The following PTGIR variants were observed in gnomAD, a reference collection of about 807,000 sequenced individuals.
PTGIR encodes the protein prostacyclin receptor.
A neutral mutation model predicts 17.6 loss-of-function variants in PTGIR; 16 were observed. The ratio of observed to expected loss-of-function variants is 0.91; its 90% CI spans 0.61 to 1.38. The LOEUF is 1.38. PTGIR is among the 40% of genes most tolerant of loss of function. The pLI is 0.00. For synonymous variants in PTGIR, 274 were observed against 255.4 expected, an observed-to-expected ratio of 1.07 and a Z score of -0.69; for missense variants, 532 against 548.6, an observed-to-expected ratio of 0.97 and a Z score of 0.30.
downstream of PTGIR, among the ~76,000 whole-genome samples, chr19:46,617,166 A>AG (rs150627327): frequency 0.021 from 3,136 of 152,246 alleles, 89 homozygotes; most frequent in East Asian, 0.1. Context: ...CAAGGCCTGC[A>AG]GGGGGGTGGG....
rs1424940012 is a variant in PTGIR at position 46,624,315 on chromosome 19, G to A, written c.-12-78C>T. ...CCCAGCCCACTCAGATGTCCCTGCT[G>A]GCCAGTCCTTTTGGCAGCTGGGGCC... On this transcript the variant is annotated intron_variant, in intron 1 of 2. Transcript: ENST00000291294. 20 of 1,351,776 alleles carry A rather than the reference G, an allele frequency of 1.5e-5. 1 individual carries two copies. The highest frequency in any genetic ancestry group is 1.7e-5 in the Non-Finnish European group (18 of 1,045,052). 83.7% of individuals were successfully genotyped at this position (1,351,776 alleles called of 1,614,324 possible).
At chr19:46,622,760 G>A (rs2122339076) in intron 2 of PTGIR, 1 of 152,406 alleles carries the variant, frequency 6.6e-6, no homozygotes, top group East Asian at 1.9e-4. Context: ...CTGGGATGCA[G>A]TGGTATAATC....
chr19:46,611,790 C>T, the PTGIR span, among the ~76,000 whole-genome samples: 3 of 152,262 alleles, frequency 2.0e-5, no homozygotes, highest in Non-Finnish European at 4.4e-5. Flanking sequence ...AAGGGCTCTT[C>T]TCATTCTCCC....
chr19:46,616,146 T>C (rs10426422), downstream of PTGIR, among the ~76,000 whole-genome samples: 4,622 of 151,902 alleles, frequency 0.03, 227 homozygotes, highest in African/African-American at 0.1. Flanking sequence ...CCACGTGGAT[T>C]GTGAACGAGG....
chr19:46,623,303 C>G, intron 2 of PTGIR, 155 bp downstream of exon 2: 1 of 937,784 alleles, frequency 1.1e-6, no homozygotes, highest in Non-Finnish European at 1.5e-6. Flanking sequence ...GGTCCTGCCT[C>G]GGCCTTTCTA....
chr19:46,623,336 G>T, intron 2 of PTGIR, 122 bp downstream of exon 2: 1 of 1,220,516 alleles, frequency 8.2e-7, no homozygotes, highest in Non-Finnish European at 1.1e-6. Context: ...ACAGGCGTGA[G>T]CCACCATGCC....
At chr19:46,619,871 G>C (rs1329633953), downstream of PTGIR, among the ~76,000 whole-genome samples, 1 of 152,080 alleles carries the variant, frequency 6.6e-6, no homozygotes, top group African/African-American at 2.4e-5. Flanking sequence ...GGGCTGGGTG[G>C]GGGGAGTTCC....
At chr19:46,622,977 C>CTTTTTTTTT (rs1372914255) in intron 2 of PTGIR, 3 of 125,338 alleles carry the variant, frequency 2.4e-5, no homozygotes, top group Non-Finnish European at 5.2e-5. Flanking sequence ...TCTTTTTTTT[C>CTTTTTTTTT]TTATTTTTTT....
At position 46,620,642 on chromosome 19, in the gene PTGIR, A is replaced by G; in HGVS notation, c.*638T>C. The G allele has an allele frequency of 2.0e-6, 2 of 985,790 alleles. No individual in the cohort carries two copies. The highest frequency in any genetic ancestry group is 2.4e-6 in the Non-Finnish European group (2 of 829,992). The allele number at this position is 985,790 out of a possible 1,614,324, so 61.1% of individuals were successfully genotyped here. A position where few individuals can be genotyped will look rare whatever the true frequency, so the allele number is the denominator to read the frequency against. On this transcript the variant is annotated 3_prime_UTR_variant, in exon 3 of 3. Coordinates refer to ENST00000291294, the MANE Select transcript of PTGIR (RefSeq NM_000960.4). ...CCAGTTCTCATCTTGCAGCCAGTCA[A>G]GCTAGGTGGAATGTCTCAGGCCCTT...
intron 1 of PTGIR, 169 bp from the exon 2 acceptor site, chr19:46,624,406 G>T: frequency 2.0e-6 from 1 of 502,606 alleles, no homozygotes; most frequent in South Asian, 3.9e-5. Context: ...GGCTTCTCCA[G>T]TATCTCTCTC....
At chr19:46,620,061 T>C (rs1006012190), downstream of PTGIR, among the ~76,000 whole-genome samples, 8 of 152,182 alleles carry the variant, frequency 5.3e-5, no homozygotes, top group Non-Finnish European at 1.0e-4. Flanking sequence ...CTTGTCTGTG[T>C]CCTTAACACC....
At chr19:46,617,206 T>C (rs563425833), downstream of PTGIR, among the ~76,000 whole-genome samples, 225 of 152,194 alleles carry the variant, frequency 1.5e-3, 1 homozygote, top group Non-Finnish European at 2.7e-3. Context: ...AGCCTCCAGG[T>C]GGCGCCTGAG....
chr19:46,618,788 G>A (rs1031481429), downstream of PTGIR, among the ~76,000 whole-genome samples: 18 of 152,070 alleles, frequency 1.2e-4, no homozygotes, highest in Non-Finnish European at 2.9e-5. Flanking sequence ...CTCATTCATG[G>A]GTGACCTTGA....
the PTGIR span, among the ~76,000 whole-genome samples, chr19:46,613,987 T>A: frequency 6.6e-6 from 1 of 152,224 alleles, no homozygotes; most frequent in Non-Finnish European, 1.5e-5. Context: ...TAAATAATCA[T>A]GACTTCCCTT....
Position 46,620,548 on chromosome 19 carries a change from C to T in PTGIR, c.*732G>A, listed in dbSNP as rs201932877. 31 of 985,242 alleles carry T rather than the reference C, an allele frequency of 3.1e-5. No individual in the cohort carries two copies. In the South Asian group the frequency reaches 8.5e-4, roughly 27 times the overall value. 61.0% of individuals were successfully genotyped at this position (985,242 alleles called of 1,614,324 possible). Reference sequence around the variant, plus strand: ...CTTAGGTTTGTGTTCTGGGGCAGTCCCTGGGATCCGCAGCCCCCACCCTTC... The same window carrying T: ...CTTAGGTTTGTGTTCTGGGGCAGTCTCTGGGATCCGCAGCCCCCACCCTTC... On this transcript the variant is annotated 3_prime_UTR_variant, in exon 3 of 3. Transcript: ENST00000291294.
Position 46,623,291 on chromosome 19 carries a change from C to G in PTGIR, c.768+167G>C, listed in dbSNP as rs112967362. ...GGATTACAGGTGTGAGCCACCGCAT[C>G]CGGTCCTGCCTCGGCCTTTCTACAT... On this transcript the variant is annotated intron_variant, in intron 2 of 2. Coordinates refer to ENST00000291294, the MANE Select transcript of PTGIR (RefSeq NM_000960.4). The G allele has an allele frequency of 7.3e-3, 5,935 of 816,690 alleles. 252 individuals carry two copies. In the African/African-American group the frequency reaches 0.09, roughly 12 times the overall value. The allele number at this position is 816,690 out of a possible 1,614,324, so 50.6% of individuals were successfully genotyped here. A position where few individuals can be genotyped will look rare whatever the true frequency, so the allele number is the denominator to read the frequency against.
rs2052726531 is a variant in PTGIR at position 46,621,435 on chromosome 19, G to GGGCC, written c.1002_1005dup (p.Pro336GlyfsTer251). The GGGCC allele has an allele frequency of 1.2e-6, 2 of 1,613,352 alleles. No individual in the cohort carries two copies. Among genetic ancestry groups the GGGCC allele is most frequent in the Middle Eastern group, 1.7e-4 (1 of 6,060 alleles). ...CCCTCCTTTCCCACAGGAGCAGAGGGGGCCCTTGGGTCCCTCCTCCCTGAG... is the reference window on the plus strand; with the variant it reads ...CCCTCCTTTCCCACAGGAGCAGAGGGGGCCGGCCCTTGGGTCCCTCCTCCCTGAG... On this transcript the variant is annotated frameshift_variant, in exon 3 of 3. Coordinates refer to ENST00000291294, the MANE Select transcript of PTGIR (RefSeq NM_000960.4). LOFTEE classifies it low-confidence loss of function (END_TRUNC). The surrounding 1 kb of genome is among the most constrained non-coding windows in gnomAD (Gnocchi z 4.8).
intron 2 of PTGIR, chr19:46,622,161 G>A (rs2052736989): frequency 2.0e-6 from 2 of 984,966 alleles, no homozygotes; most frequent in South Asian, 4.7e-5. Flanking sequence ...AAGGTGGCAC[G>A]ACCAGGTGTC....
chr19:46,622,087 A>C (rs1268120920), intron 2 of PTGIR: 3 of 985,350 alleles, frequency 3.0e-6, no homozygotes, highest in Admixed American at 6.1e-5. Context: ...AAAAAGATTT[A>C]AGGACCCCCC....
Sources: gnomAD v4.1 joint callset for allele counts (sites outside exome capture counted in the v4.1 genomes callset) on GRCh38, gnomAD v4.1.1 for gene constraint, Gnocchi (gnomAD v3.1) non-coding constraint, MANE v1.5 for transcripts, NCBI Gene and HGNC (gene_info 2026-07-23, HGNC 2026-07-21) for gene names.